Variants in ACYP2 observed in about 807,000 individuals in gnomAD.
ACYP2 encodes acylphosphatase-2.
In ACYP2, 12 loss-of-function variants were observed where a neutral mutation model predicts 11.2. That is an observed-to-expected ratio of 1.08 (90% CI 0.69 to 1.74). The LOEUF (loss-of-function observed/expected upper bound fraction) is 1.74, where lower values mean the gene tolerates loss of function less well. Ranked by LOEUF, ACYP2 falls within the 40% of genes most tolerant of loss-of-function variation. The probability of loss-of-function intolerance (pLI) is 0.00; values close to 1 mark genes in which losing one functional copy is unlikely to be tolerated. For missense variants in ACYP2, 134 were observed against 101.9 expected (o/e 1.31, Z -1.35); for synonymous variants, 43 against 32.2 (o/e 1.33, Z -1.13).
intron 2 of ACYP2, among the ~76,000 whole-genome samples, chr2:54,010,737 CTTTTTTTTTT>C (rs539896151): frequency 2.0e-4 from 22 of 107,636 alleles, no homozygotes; most frequent in Admixed American, 1.1e-3. Context: ...TTCTTTCTTT[CTTTTTTTTTT>C]TTTTTTTTTT....
chr2:54,273,201 G>A (rs1426878961), intron 6 of ACYP2, among the ~76,000 whole-genome samples: 1 of 152,172 alleles, frequency 6.6e-6, no homozygotes, highest in Non-Finnish European at 1.5e-5. Flanking sequence ...ACAAACTATG[G>A]TGCACATGCA....
At chr2:54,005,082 T>C (rs577011522) in intron 2 of ACYP2, among the ~76,000 whole-genome samples, 1 of 152,174 alleles carries the variant, frequency 6.6e-6, no homozygotes, top group East Asian at 1.9e-4. Context: ...TTTAAAAAAA[T>C]AAAAATAAAA....
At chr2:54,071,448 G>T (rs928049234) in intron 4 of ACYP2, among the ~76,000 whole-genome samples, 1 of 151,954 alleles carries the variant, frequency 6.6e-6, no homozygotes, top group African/African-American at 2.4e-5. Flanking sequence ...CAGCATACAA[G>T]ATCAATTGTG....
At chr2:54,290,757 G>A (rs1454646588) in intron 6 of ACYP2, among the ~76,000 whole-genome samples, 1 of 152,164 alleles carries the variant, frequency 6.6e-6, no homozygotes, top group African/African-American at 2.4e-5. Context: ...AAACGCAGGC[G>A]TGTCTGGCCA....
intron 6 of ACYP2, among the ~76,000 whole-genome samples, chr2:54,140,176 C>T (rs1325213392): frequency 1.3e-5 from 2 of 152,030 alleles, no homozygotes; most frequent in South Asian, 2.1e-4. Flanking sequence ...AATTTTGGGA[C>T]TTTCGTTGTA....
chr2:54,089,663 C>G (rs533190131), intron 4 of ACYP2, among the ~76,000 whole-genome samples: 2 of 151,860 alleles, frequency 1.3e-5, no homozygotes, highest in Non-Finnish European at 2.9e-5. Context: ...TCGCCTAAGC[C>G]CCAGTGGTCA....
chr2:54,111,159 G>T (rs1019093495), intron 4 of ACYP2, among the ~76,000 whole-genome samples: 1 of 152,114 alleles, frequency 6.6e-6, no homozygotes, highest in Non-Finnish European at 1.5e-5. Flanking sequence ...GCTGGGATAC[G>T]GCTGTAGAGA....
intron 6 of ACYP2, among the ~76,000 whole-genome samples, chr2:54,188,875 C>T (rs547620542): frequency 4.6e-5 from 7 of 152,170 alleles, no homozygotes; most frequent in South Asian, 2.1e-4. Context: ...CCATACCTGA[C>T]GCTCTGCTTT....
intron 6 of ACYP2, among the ~76,000 whole-genome samples, chr2:54,179,795 C>T (rs1683627340): frequency 6.6e-6 from 1 of 152,172 alleles, no homozygotes. Flanking sequence ...GACCTCCTGT[C>T]TCATCCTGTG....
intron 6 of ACYP2, among the ~76,000 whole-genome samples, chr2:54,277,310 T>C (rs1370911866): frequency 6.6e-6 from 1 of 152,196 alleles, no homozygotes; most frequent in African/African-American, 2.4e-5. Context: ...CTTTTAATAG[T>C]TTCCATTTAT....
intron 6 of ACYP2, among the ~76,000 whole-genome samples, chr2:54,220,092 T>G (rs1380530965): frequency 6.6e-6 from 1 of 151,548 alleles, no homozygotes; most frequent in Non-Finnish European, 1.5e-5. Flanking sequence ...GTCCAATACC[T>G]AAAACAGATA....
chr2:54,234,501 T>C (rs1485004728), intron 6 of ACYP2, among the ~76,000 whole-genome samples: 1 of 152,246 alleles, frequency 6.6e-6, no homozygotes, highest in African/African-American at 2.4e-5. Flanking sequence ...CATTGAATGC[T>C]CTGCTTTTGT....
At chr2:53,998,656 A>C (rs1573481440) in intron 2 of ACYP2, among the ~76,000 whole-genome samples, 1 of 152,228 alleles carries the variant, frequency 6.6e-6, no homozygotes, top group East Asian at 1.9e-4. Context: ...GTGCTACTAA[A>C]AATACAAAAA....
chr2:54,175,514 T>G (rs1456405880), intron 6 of ACYP2, among the ~76,000 whole-genome samples: 1 of 152,124 alleles, frequency 6.6e-6, no homozygotes, highest in East Asian at 1.9e-4. Flanking sequence ...TGAAGCATTT[T>G]TTGTATCTCT....
rs58842257 is a variant in ACYP2 at position 54,102,638 on chromosome 2, C to CAAAAAAAAAAAAAAAAAAAAAAAAAAA, written c.278-32805_278-32779dup. Reference sequence around the variant, plus strand: ...AAACCCAATTTAAGCTGGCTTAAGCCAAAAAAAAAAAAAAAAAAAAAAAAA... The same window carrying CAAAAAAAAAAAAAAAAAAAAAAAAAAA: ...AAACCCAATTTAAGCTGGCTTAAGCCAAAAAAAAAAAAAAAAAAAAAAAAAAAAAAAAAAAAAAAAAAAAAAAAAAAA... On this transcript the variant is annotated intron_variant, in intron 4 of 6. Coordinates refer to ENST00000607452, the MANE Select transcript of ACYP2 (RefSeq NM_001320586.2). 8.4e-5 allele frequency among the ~76,000 whole-genome samples: 7 copies of CAAAAAAAAAAAAAAAAAAAAAAAAAAA among 83,304 alleles called. 2 individuals carry two copies. Among genetic ancestry groups the CAAAAAAAAAAAAAAAAAAAAAAAAAAA allele is most frequent in the African/African-American group, 1.8e-4 (3 of 17,130 alleles). The allele number at this position is 83,304 out of a possible 152,430, so 54.7% of individuals were successfully genotyped here.
chr2:54,095,241 T>G (rs1415632750), intron 4 of ACYP2, among the ~76,000 whole-genome samples: 1 of 152,216 alleles, frequency 6.6e-6, no homozygotes, highest in African/African-American at 2.4e-5. Context: ...GGCAAAATAA[T>G]TTTTCTTAGT....
rs145953681 is a variant in ACYP2 at position 54,000,854 on chromosome 2, C to A, written c.62+27044C>A. 3.2e-3 allele frequency among the ~76,000 whole-genome samples: 481 copies of A among 152,320 alleles called. 7 individuals are homozygous for A. Among genetic ancestry groups the A allele is most frequent in the East Asian group, 8.3e-3 (43 of 5,192 alleles). Reference sequence around the variant, plus strand: ...TTCAAAGGGGATATGGAAGGGCAACCTTGCCTTTGAGCTTTAAGTTATTTC... The same window carrying A: ...TTCAAAGGGGATATGGAAGGGCAACATTGCCTTTGAGCTTTAAGTTATTTC... On this transcript the variant is annotated intron_variant, in intron 2 of 6. Transcript: ENST00000607452.
chr2:54,275,335 C>A (rs1255353449), intron 6 of ACYP2, among the ~76,000 whole-genome samples: 1 of 152,158 alleles, frequency 6.6e-6, no homozygotes, highest in African/African-American at 2.4e-5. Context: ...GTTATCTGTC[C>A]TGTATCTCAC....
intron 3 of ACYP2, chr2:54,051,552 A>T: frequency 1.3e-6 from 1 of 741,848 alleles, no homozygotes; most frequent in Non-Finnish European, 2.5e-6. Context: ...AAAGGAGATC[A>T]TCTTGGCCTG....
Sources: gnomAD v4.1 joint callset for allele counts (sites outside exome capture counted in the v4.1 genomes callset) on GRCh38, gnomAD v4.1.1 for gene constraint, MANE v1.5 for transcripts, NCBI Gene and HGNC (gene_info 2026-07-23, HGNC 2026-07-21) for gene names.